INPP4B: variants seen among roughly 807,000 people sequenced by gnomAD.
INPP4B encodes inositol polyphosphate-4-phosphatase type II B.
In INPP4B, 55 loss-of-function variants were observed where a neutral mutation model predicts 122.5. That is an observed-to-expected ratio of 0.45 (90% CI 0.36 to 0.56). INPP4B has a LOEUF of 0.56. Ranked by LOEUF, INPP4B falls within the 20% of genes least tolerant of loss-of-function variation. INPP4B has a pLI of 0.00. For synonymous variants in INPP4B, 403 were observed against 388.7 expected (o/e 1.04, Z -0.43); for missense variants, 1,000 against 1,097.7 (o/e 0.91, Z 1.26).
Position 142,238,895 on chromosome 4 carries a change from C to G in INPP4B, c.689-884G>C, listed in dbSNP as rs183871444. 9.2e-5 allele frequency among the ~76,000 whole-genome samples: 14 copies of G among 152,158 alleles called. 1 individual carries two copies. The East Asian group carries it at 2.7e-3, about 29-fold the overall frequency. On this transcript the variant is annotated intron_variant, in intron 11 of 25. Transcript: ENST00000262992. ...GAATGCCTATGTCACACTTACACAC[C>G]AAAGCTTAGTGGGCAACAAAATATC...
upstream of INPP4B, chr4:142,846,446 G>A (rs1784211311): frequency 6.6e-6 from 1 of 152,296 alleles, no homozygotes; most frequent in Non-Finnish European, 1.5e-5. This position sits in a 1 kb window ranked among gnomAD's most constrained non-coding sequence, Gnocchi z 5.1. Flanking sequence ...CCCAGCCTCT[G>A]GCTTCGGCCG....
rs1386864125 is a variant in INPP4B, at chr4:142,350,010, A to G, written c.373-35248T>C. On this transcript the variant is annotated intron_variant, in intron 7 of 25. Coordinates refer to ENST00000262992, the MANE Select transcript of INPP4B (RefSeq NM_001101669.3). ...AAAAAGGTACTCTATTGCCTTAAAA[A>G]TAGTCTTGCTTTAGGACACAGACTA... 2.0e-5 allele frequency among the ~76,000 whole-genome samples: 3 copies of G among 152,150 alleles called. No individual in the cohort carries two copies. The East Asian group carries it at 5.8e-4, about 30-fold the overall frequency.
rs143230613 is a variant in INPP4B at position 142,815,828 on chromosome 4, C to A, written c.-254+30381G>T. On this transcript the variant is annotated intron_variant, in intron 1 of 25. Transcript: ENST00000262992. ...CCTGCTTTAAAGGGTAGGTGAGAAA[C>A]CTACTCCAGAAAACCTCATTTTTCT... 3.2e-3 allele frequency among the ~76,000 whole-genome samples: 483 copies of A among 152,198 alleles called. 3 individuals carry two copies. The highest frequency in any genetic ancestry group is 0.011 in the African/African-American group (449 of 41,542).
intron 7 of INPP4B, among the ~76,000 whole-genome samples, chr4:142,340,234 C>T (rs114681151): frequency 0.01 from 1,530 of 152,214 alleles, 32 homozygotes; most frequent in African/African-American, 0.035. Flanking sequence ...CTAATTTCCA[C>T]ATGAAAAAGT....
chr4:142,608,927 A>G (rs985287967), intron 2 of INPP4B, among the ~76,000 whole-genome samples: 3 of 152,150 alleles, frequency 2.0e-5, no homozygotes, highest in African/African-American at 4.8e-5. Context: ...TATTATGTGT[A>G]TATTTGAATC....
intron 5 of INPP4B, among the ~76,000 whole-genome samples, chr4:142,414,890 T>C (rs1805351714): frequency 6.6e-6 from 1 of 152,168 alleles, no homozygotes; most frequent in South Asian, 2.1e-4. Flanking sequence ...GCTGCTCTTT[T>C]CAGTGGGAAC....
chr4:142,337,129 ATGT>A (rs762595162), intron 7 of INPP4B, among the ~76,000 whole-genome samples: 11 of 128,558 alleles, frequency 8.6e-5, no homozygotes, highest in Non-Finnish European at 1.7e-4. Context: ...AGATTTATCC[ATGT>A]TGTTGCATAC....
intron 5 of INPP4B, among the ~76,000 whole-genome samples, chr4:142,419,754 C>T (rs931338043): frequency 6.6e-6 from 1 of 152,104 alleles, no homozygotes; most frequent in African/African-American, 2.4e-5. Context: ...TTCATGTCCC[C>T]ATGGCGTGGT....
In INPP4B at chr4:142,346,243, C is replaced by T. The variant is rs911404690; in HGVS notation, c.373-31481G>A. Among the ~76,000 whole-genome samples, 3 of 152,096 alleles carry T rather than the reference C, an allele frequency of 2.0e-5. No homozygotes were observed. In the South Asian group the frequency reaches 6.2e-4, roughly 32 times the overall value. ...TCATTCGTTTCCAAGAGGATCTTCCCTGTGGGCTTGTAATTAAATCCAAGC... is the reference window on the plus strand; with the variant it reads ...TCATTCGTTTCCAAGAGGATCTTCCTTGTGGGCTTGTAATTAAATCCAAGC... On this transcript the variant is annotated intron_variant, in intron 7 of 25. Transcript: ENST00000262992.
intron 9 of INPP4B, among the ~76,000 whole-genome samples, chr4:142,273,215 G>A (rs1746715999): frequency 1.3e-5 from 2 of 152,072 alleles, no homozygotes; most frequent in Non-Finnish European, 1.5e-5. Context: ...TCTTACACAA[G>A]ATAATTACCA....
chr4:142,109,314 T>C (rs1788812463), intron 22 of INPP4B, among the ~76,000 whole-genome samples: 1 of 152,178 alleles, frequency 6.6e-6, no homozygotes, highest in Non-Finnish European at 1.5e-5. Context: ...AATGAATTCA[T>C]CTATACAAAA....
intron 2 of INPP4B, among the ~76,000 whole-genome samples, chr4:142,500,185 T>C (rs960630513): frequency 3.3e-5 from 5 of 152,162 alleles, no homozygotes; most frequent in African/African-American, 1.2e-4. Context: ...GGAACTTCAC[T>C]TAAGCCCAAT....
intron 1 of INPP4B, among the ~76,000 whole-genome samples, chr4:142,740,166 A>G (rs80071340): frequency 0.027 from 4,132 of 152,150 alleles, 77 homozygotes; most frequent in Middle Eastern, 0.096. Context: ...GAAATAATTC[A>G]GCTGAAACAA....
chr4:142,475,300 A>C (rs958041271), intron 2 of INPP4B, among the ~76,000 whole-genome samples: 1 of 152,128 alleles, frequency 6.6e-6, no homozygotes, highest in African/African-American at 2.4e-5. Flanking sequence ...ACCCCCAAAA[A>C]ACAAAACAAA....
intron 24 of INPP4B, 115 bp downstream of exon 24, chr4:142,086,029 G>T: frequency 1.4e-6 from 1 of 702,504 alleles, no homozygotes. Flanking sequence ...TGGACTAATA[G>T]AAGATGACAC....
chr4:142,039,268 G>T (rs1745843447), intron 25 of INPP4B, among the ~76,000 whole-genome samples: 2 of 151,884 alleles, frequency 1.3e-5, no homozygotes, highest in South Asian at 4.2e-4. Context: ...AATTGTATTT[G>T]GTCTCTAAAA....
At chr4:142,755,495 C>A (rs1239593790) in intron 1 of INPP4B, among the ~76,000 whole-genome samples, 1 of 151,774 alleles carries the variant, frequency 6.6e-6, no homozygotes, top group Admixed American at 6.6e-5. Flanking sequence ...ATTTTGATTC[C>A]TTTTAAAAAG....
intron 2 of INPP4B, among the ~76,000 whole-genome samples, chr4:142,659,023 C>A (rs1754666908): frequency 6.6e-6 from 1 of 152,126 alleles, no homozygotes; most frequent in Non-Finnish European, 1.5e-5. Flanking sequence ...ATTCTTGCTG[C>A]ACTTTATGCA....
At chr4:142,824,336 A>C (rs1781192844) in intron 1 of INPP4B, among the ~76,000 whole-genome samples, 1 of 151,612 alleles carries the variant, frequency 6.6e-6, no homozygotes, top group South Asian at 2.1e-4. Context: ...CTCTATCTCT[A>C]TCTCTTTCTC....
Sources: allele counts gnomAD v4.1 joint callset (sites outside exome capture counted in the v4.1 genomes callset), GRCh38; gene constraint gnomAD v4.1.1; non-coding constraint Gnocchi (gnomAD v3.1); transcripts MANE v1.5; gene names NCBI Gene and HGNC (gene_info 2026-07-23, HGNC 2026-07-21).